RARS2: variants seen among roughly 807,000 people sequenced by gnomAD.
RARS2 encodes the protein arginyl-tRNA synthetase 2, mitochondrial.
In RARS2, 67 loss-of-function variants were observed where a neutral mutation model predicts 88.5. The ratio of observed to expected loss-of-function variants is 0.76; its 90% CI spans 0.62 to 0.93. The LOEUF is 0.93. Among genes scored for constraint, RARS2 ranks in the 40% least tolerant of loss-of-function variants. The pLI is 0.00. For synonymous variants in RARS2, 239 were observed against 230.3 expected, an observed-to-expected ratio of 1.04 and a Z score of -0.34; for missense variants, 664 against 684.2, an observed-to-expected ratio of 0.97 and a Z score of 0.33.
At chr6:87,521,378 C>T in intron 12 of RARS2, 86 bp downstream of exon 12, 2 of 1,043,272 alleles carry the variant, frequency 1.9e-6, no homozygotes, top group South Asian at 1.3e-5. Flanking sequence ...CTGTAGTTTT[C>T]CATAGTTTTT....
chr6:87,549,326 A>G (rs190006654), intron 5 of RARS2, among the ~76,000 whole-genome samples: 374 of 152,122 alleles, frequency 2.5e-3, no homozygotes, highest in African/African-American at 8.7e-3. Flanking sequence ...ATTGTACTCT[A>G]GTCTGGGTGA....
intron 2 of RARS2, among the ~76,000 whole-genome samples, chr6:87,565,752 T>C (rs1767676276): frequency 6.6e-6 from 1 of 152,236 alleles, no homozygotes; most frequent in Non-Finnish European, 1.5e-5. Flanking sequence ...ATTTATCTTC[T>C]GGTGTTTAAT....
chr6:87,576,932 G>A (rs146100757), intron 1 of RARS2, among the ~76,000 whole-genome samples: 250 of 152,302 alleles, frequency 1.6e-3, no homozygotes, highest in Non-Finnish European at 2.7e-3. Context: ...TCATGATCTG[G>A]TCAAAGCAGA....
At position 87,530,986 on chromosome 6, in the gene RARS2, T is replaced by C. The variant is rs748836326; in HGVS notation, c.613-44A>G. The C allele has an allele frequency of 1.8e-5, 29 of 1,610,622 alleles. No homozygotes were observed. The East Asian group carries it at 2.2e-4, about 12-fold the overall frequency. ...ATTAAATGAAGTACATAACAGGTCATTGTTATCTCTAACACGGAAAGAAAG... is the reference window on the plus strand; with the variant it reads ...ATTAAATGAAGTACATAACAGGTCACTGTTATCTCTAACACGGAAAGAAAG... On this transcript the variant is annotated intron_variant, in intron 8 of 19. Coordinates refer to ENST00000369536, the MANE Select transcript of RARS2 (RefSeq NM_020320.5).
intron 1 of RARS2, among the ~76,000 whole-genome samples, chr6:87,570,634 G>A (rs1304021212): frequency 6.6e-6 from 1 of 152,054 alleles, no homozygotes; most frequent in Non-Finnish European, 1.5e-5. Flanking sequence ...TGGCCAGGCT[G>A]GTCTCAAACT....
chr6:87,541,822 T>C, intron 8 of RARS2, 96 bp downstream of exon 8: 1 of 988,534 alleles, frequency 1.0e-6, no homozygotes, highest in East Asian at 2.8e-5. Flanking sequence ...AGACCCTGTC[T>C]CAAAATAAAG....
chr6:87,575,733 A>C (rs1397737342), intron 1 of RARS2, among the ~76,000 whole-genome samples: 1 of 152,108 alleles, frequency 6.6e-6, no homozygotes, highest in Middle Eastern at 3.2e-3. Context: ...TAAAGAACCA[A>C]ATCTAAATTG....
At chr6:87,563,811 T>C (rs548858654) in intron 3 of RARS2, among the ~76,000 whole-genome samples, 2 of 152,346 alleles carry the variant, frequency 1.3e-5, no homozygotes, top group Admixed American at 6.5e-5. Flanking sequence ...AACTCACTGC[T>C]CTAATTTATC....
At chr6:87,574,833 CTAA>C (rs1442022313) in intron 1 of RARS2, among the ~76,000 whole-genome samples, 7 of 151,784 alleles carry the variant, frequency 4.6e-5, no homozygotes, top group Admixed American at 2.6e-4. Flanking sequence ...TACCATAAAA[CTAA>C]TAATTAAGAA....
At chr6:87,588,224 G>T (rs1775738295) in intron 1 of RARS2, among the ~76,000 whole-genome samples, 1 of 152,074 alleles carries the variant, frequency 6.6e-6, no homozygotes, top group Admixed American at 6.6e-5. Context: ...TACCTTCCCT[G>T]ATATGGTTTA....
At chr6:87,558,602 G>A (rs1433139234) in intron 4 of RARS2, among the ~76,000 whole-genome samples, 1 of 152,168 alleles carries the variant, frequency 6.6e-6, no homozygotes, top group Non-Finnish European at 1.5e-5. Flanking sequence ...CTATAATGGA[G>A]CTGAAAAATT....
Position 87,576,434 on chromosome 6 carries a change from G to A in RARS2, c.37-6844C>T, listed in dbSNP as rs1337623786. On this transcript the variant is annotated intron_variant, in intron 1 of 19. Transcript: ENST00000369536. ...TGGGACTACAGGCGCCCGCTACCACGCCCGGCTAATTTTTTGTATTTTTAG... is the reference window on the plus strand; with the variant it reads ...TGGGACTACAGGCGCCCGCTACCACACCCGGCTAATTTTTTGTATTTTTAG... Among the ~76,000 whole-genome samples, 4 of 110,398 alleles carry A rather than the reference G, an allele frequency of 3.6e-5. 2 individuals are homozygous for A. The highest frequency in any genetic ancestry group is 7.6e-5 in the Non-Finnish European group (4 of 52,880). 72.4% of individuals were successfully genotyped at this position (110,398 alleles called of 152,430 possible).
chr6:87,580,205 G>A (rs954941852), intron 1 of RARS2, among the ~76,000 whole-genome samples: 4 of 152,052 alleles, frequency 2.6e-5, no homozygotes, highest in Non-Finnish European at 5.9e-5. Flanking sequence ...TGCTCCCTTC[G>A]GGTAGGGCTG....
At chr6:87,540,384 A>C (rs1197949260) in intron 8 of RARS2, among the ~76,000 whole-genome samples, 1 of 135,646 alleles carries the variant, frequency 7.4e-6, no homozygotes, top group Non-Finnish European at 1.5e-5. Flanking sequence ...CAGGAGGCAG[A>C]GGTTGCAGTG....
intron 4 of RARS2, among the ~76,000 whole-genome samples, chr6:87,560,344 GA>G (rs1787447306): frequency 6.6e-6 from 1 of 152,150 alleles, no homozygotes; most frequent in African/African-American, 2.4e-5. Context: ...GCATCCCTAA[GA>G]AAACAGGGTT....
At position 87,530,650 on chromosome 6, in the gene RARS2, A is replaced by T. The variant is rs889790338; in HGVS notation, c.771+134T>A. On this transcript the variant is annotated intron_variant, in intron 9 of 19. Coordinates refer to ENST00000369536, the MANE Select transcript of RARS2 (RefSeq NM_020320.5). ...GCAGTTCTTTCAGCCCAAAAAAAAA[A>T]TTTGAGTCTTAATTTTAAATTCACC... 13 of 1,201,264 alleles carry T rather than the reference A, an allele frequency of 1.1e-5. No homozygotes were observed. In the Admixed American group the frequency reaches 1.4e-4, roughly 13 times the overall value. The allele number at this position is 1,201,264 out of a possible 1,614,324, so 74.4% of individuals were successfully genotyped here.
intron 1 of RARS2, among the ~76,000 whole-genome samples, chr6:87,576,992 T>C (rs892972681): frequency 2.0e-5 from 3 of 152,238 alleles, no homozygotes; most frequent in African/African-American, 7.2e-5. Flanking sequence ...ATAAAGAAGT[T>C]GCAAAGTAGT....
At chr6:87,545,553 A>T in intron 7 of RARS2, 63 bp downstream of exon 7, 1 of 1,608,172 alleles carries the variant, frequency 6.2e-7, no homozygotes. Flanking sequence ...TTCTGTCCAG[A>T]TCAAAGTTTT....
At chr6:87,523,971 G>T (rs957747175) in intron 11 of RARS2, among the ~76,000 whole-genome samples, 4 of 152,164 alleles carry the variant, frequency 2.6e-5, no homozygotes, top group African/African-American at 9.7e-5. Flanking sequence ...AATTTCCTAA[G>T]GGGAAGTTAA....
Sources: allele counts gnomAD v4.1 joint callset (sites outside exome capture counted in the v4.1 genomes callset), GRCh38; gene constraint gnomAD v4.1.1; transcripts MANE v1.5; gene names NCBI Gene and HGNC (gene_info 2026-07-23, HGNC 2026-07-21).